The following ELAPOR1 variants were observed in gnomAD, a reference collection of about 807,000 sequenced individuals.
The protein encoded by ELAPOR1 is endosome/lysosome-associated apoptosis and autophagy regulator 1.
A neutral mutation model predicts 119.7 loss-of-function variants in ELAPOR1; 77 were observed. That is an observed-to-expected ratio of 0.64 (90% confidence interval 0.54 to 0.78). The LOEUF is 0.78. Among genes scored for constraint, ELAPOR1 ranks in the 30% least tolerant of loss-of-function variants. The pLI, the probability that ELAPOR1 is intolerant of heterozygous loss-of-function variation, is 0.00. For missense variants in ELAPOR1, 1,115 were observed against 1,270.4 expected (o/e 0.88, Z 1.86); for synonymous variants, 481 against 487.2 (o/e 0.99, Z 0.17).
intron 18 of ELAPOR1, 97 bp from the exon 19 acceptor site, chr1:109,199,756 AG>A (rs1654046060): frequency 7.2e-7 from 1 of 1,395,808 alleles, no homozygotes; most frequent in Admixed American, 1.8e-5. Context: ...GGGCAGGGAG[AG>A]GGTAAATCAG....
rs1336337438 is a variant in ELAPOR1 at position 109,204,834 on chromosome 1, G to A, written c.*1822G>A. On this transcript the variant is annotated 3_prime_UTR_variant, in exon 22 of 22. Coordinates refer to ENST00000369939, the MANE Select transcript of ELAPOR1 (RefSeq NM_020775.5). ...CCTGTAATCCCAAGGCAGAATGGTG[G>A]CTTGAGCTCAGGAGTTCAAGACCAG... 1 of 152,222 alleles carries A rather than the reference G, an allele frequency of 6.6e-6. No homozygotes were observed. Among genetic ancestry groups the A allele is most frequent in the Non-Finnish European group, 1.5e-5 (1 of 68,074 alleles). The allele number at this position is 152,222 out of a possible 1,614,324, so 9.4% of individuals were successfully genotyped here.
At chr1:109,195,676 G>C (rs1279590642) in intron 15 of ELAPOR1, among the ~76,000 whole-genome samples, 3 of 152,156 alleles carry the variant, frequency 2.0e-5, no homozygotes, top group African/African-American at 7.2e-5. Flanking sequence ...ACGTCTCTTT[G>C]CTGACAGTAT....
chr1:109,139,077 G>A (rs534634367), intron 1 of ELAPOR1, among the ~76,000 whole-genome samples: 26 of 152,140 alleles, frequency 1.7e-4, no homozygotes, highest in Admixed American at 4.6e-4. Context: ...GTGGCTGGGC[G>A]CGGTGGCTCA....
chr1:109,159,528 G>T (rs140875489), intron 1 of ELAPOR1, among the ~76,000 whole-genome samples: 1 of 152,198 alleles, frequency 6.6e-6, no homozygotes, highest in South Asian at 2.1e-4. Context: ...GAGCCTGGCT[G>T]CTGGCACACA....
chr1:109,121,831 T>A (rs1648439757), intron 1 of ELAPOR1, among the ~76,000 whole-genome samples: 2 of 150,190 alleles, frequency 1.3e-5, no homozygotes, highest in East Asian at 3.9e-4. Flanking sequence ...TGGAGTGCAG[T>A]GGCATGATCT....
chr1:109,191,913 G>A (rs745980770), intron 13 of ELAPOR1, 50 bp downstream of exon 13: 1 of 1,603,618 alleles, frequency 6.2e-7, no homozygotes, highest in Admixed American at 1.7e-5. Flanking sequence ...TCTGAACCCA[G>A]GAGGACTCCT....
chr1:109,161,772 G>C, intron 1 of ELAPOR1, 122 bp from the exon 2 acceptor site: 4 of 1,229,004 alleles, frequency 3.3e-6, no homozygotes, highest in Non-Finnish European at 4.6e-6. Context: ...CCTGCCCGGG[G>C]TCCCAGGGCC....
chr1:109,116,433 C>T (rs1239491353), intron 1 of ELAPOR1, among the ~76,000 whole-genome samples: 2 of 152,330 alleles, frequency 1.3e-5, no homozygotes, highest in East Asian at 1.9e-4. Context: ...ATTAGATCCA[C>T]ACCCCATGCC....
At chr1:109,139,589 G>A (rs1419692840) in intron 1 of ELAPOR1, among the ~76,000 whole-genome samples, 3 of 151,968 alleles carry the variant, frequency 2.0e-5, no homozygotes, top group African/African-American at 4.8e-5. Flanking sequence ...TTAATTATTT[G>A]GATTGGGATT....
chr1:109,129,238 G>A (rs747048624), intron 1 of ELAPOR1, among the ~76,000 whole-genome samples: 15 of 152,088 alleles, frequency 9.9e-5, no homozygotes, highest in African/African-American at 2.9e-4. Context: ...GCCTGGGAGC[G>A]GTGGCTCACA....
intron 7 of ELAPOR1, among the ~76,000 whole-genome samples, chr1:109,176,937 T>A (rs1217105690): frequency 5.5e-5 from 8 of 144,864 alleles, no homozygotes; most frequent in Non-Finnish European, 7.5e-5. Flanking sequence ...GTCACAGATC[T>A]ACAGGATCCC....
intron 1 of ELAPOR1, among the ~76,000 whole-genome samples, chr1:109,145,212 G>A (rs1650100982): frequency 6.6e-6 from 1 of 152,270 alleles, no homozygotes; most frequent in South Asian, 2.1e-4. Context: ...GATGCAGCAA[G>A]AAGGCTCTCA....
At chr1:109,173,294 A>G (rs1652038565) in intron 5 of ELAPOR1, among the ~76,000 whole-genome samples, 180 bp from the exon 6 acceptor site, 1 of 152,030 alleles carries the variant, frequency 6.6e-6, no homozygotes, top group South Asian at 2.1e-4. Flanking sequence ...GGAGGCTTAG[A>G]AAGAGAGAGG....
chr1:109,198,285 G>C (rs563817316), intron 17 of ELAPOR1, among the ~76,000 whole-genome samples: 1 of 152,322 alleles, frequency 6.6e-6, no homozygotes, highest in African/African-American at 2.4e-5. Flanking sequence ...TAGAGGCAAG[G>C]AGAAATATTG....
intron 2 of ELAPOR1, among the ~76,000 whole-genome samples, chr1:109,162,836 T>C (rs1053954633): frequency 8.5e-5 from 13 of 152,260 alleles, no homozygotes; most frequent in South Asian, 4.1e-4. Context: ...GCCATCTTCA[T>C]TGAACTCTGC....
At chr1:109,165,582 C>T (rs529088000) in intron 3 of ELAPOR1, among the ~76,000 whole-genome samples, 76 of 141,556 alleles carry the variant, frequency 5.4e-4, no homozygotes, top group Admixed American at 1.5e-3. Flanking sequence ...GAAACTCCGT[C>T]TTAAAAAAAA....
At chr1:109,178,222 C>G (rs1652472938) in intron 7 of ELAPOR1, among the ~76,000 whole-genome samples, 1 of 152,028 alleles carries the variant, frequency 6.6e-6, no homozygotes, top group African/African-American at 2.4e-5. Context: ...TCTCGGCCAG[C>G]CTGGTCTTGA....
At chr1:109,199,368 A>G (rs1194504770) in intron 18 of ELAPOR1, among the ~76,000 whole-genome samples, 2 of 152,228 alleles carry the variant, frequency 1.3e-5, no homozygotes, top group East Asian at 3.8e-4. Context: ...GTCTTGACCC[A>G]GTAGTGGTGT....
chr1:109,125,486 G>A (rs1017680506), intron 1 of ELAPOR1, among the ~76,000 whole-genome samples: 29 of 151,500 alleles, frequency 1.9e-4, no homozygotes, highest in African/African-American at 6.3e-4. Context: ...TCCGCCTCCC[G>A]GGTTCAAGTG....
Sources: allele counts gnomAD v4.1 joint callset (sites outside exome capture counted in the v4.1 genomes callset), GRCh38; gene constraint gnomAD v4.1.1; transcripts MANE v1.5; gene names NCBI Gene and HGNC (gene_info 2026-07-23, HGNC 2026-07-21).